Variants in ZNG1E observed in about 807,000 individuals in gnomAD.
The protein encoded by ZNG1E is zinc-regulated GTPase metalloprotein activator 1E.
chr9:65,657,487 A>G, the ZNG1E span, among the ~76,000 whole-genome samples: 1 of 152,280 alleles, frequency 6.6e-6, no homozygotes, highest in African/African-American at 2.4e-5. Context: ...CAAATTTCAC[A>G]TGTTCTCACT....
the ZNG1E span, among the ~76,000 whole-genome samples, chr9:65,709,824 T>A: frequency 2.7e-5 from 4 of 148,340 alleles, no homozygotes; most frequent in Non-Finnish European, 6.0e-5. Context: ...CGTGTGCATG[T>A]GTCTTTATAG....
chr9:65,677,640 A>G, the ZNG1E span, among the ~76,000 whole-genome samples: 4 of 152,322 alleles, frequency 2.6e-5, no homozygotes, highest in Non-Finnish European at 4.4e-5. Flanking sequence ...GTTAGCCTTA[A>G]TGATCTTTAT....
chr9:65,733,040 TG>T, the ZNG1E span: 1 of 1,611,608 alleles, frequency 6.2e-7, no homozygotes, highest in African/African-American at 1.3e-5. Context: ...TTGTCCAGGG[TG>T]TCCATGAGCT....
the ZNG1E span, chr9:65,704,994 T>G: frequency 6.8e-6 from 1 of 146,750 alleles, no homozygotes; most frequent in Non-Finnish European, 1.5e-5. Context: ...TTTTGTTTTA[T>G]TTTTTGTTTT....
chr9:65,658,040 A>G, the ZNG1E span, among the ~76,000 whole-genome samples: 1 of 152,090 alleles, frequency 6.6e-6, no homozygotes, highest in Non-Finnish European at 1.5e-5. Context: ...CGGAGGTTGC[A>G]GTGAGCCGAG....
chr9:65,667,025 C>T, the ZNG1E span, among the ~76,000 whole-genome samples: 12 of 152,306 alleles, frequency 7.9e-5, no homozygotes, highest in Admixed American at 3.3e-4. Context: ...TTCACCATGT[C>T]GGTCAGGCTG....
chr9:65,710,606 T>A, the ZNG1E span, among the ~76,000 whole-genome samples: 3 of 152,088 alleles, frequency 2.0e-5, no homozygotes, highest in African/African-American at 4.8e-5. Context: ...ATTTATTAAA[T>A]ACGGAATCCT....
the ZNG1E span, among the ~76,000 whole-genome samples, chr9:65,660,774 C>A: frequency 6.8e-6 from 1 of 147,690 alleles, no homozygotes; most frequent in African/African-American, 2.5e-5. Flanking sequence ...CAAAATTTAA[C>A]TATGGAAAAT....
At chr9:65,715,458 C>T in the ZNG1E span, among the ~76,000 whole-genome samples, 1 of 148,964 alleles carries the variant, frequency 6.7e-6, no homozygotes, top group Admixed American at 6.7e-5. Flanking sequence ...TAGTTTTCTG[C>T]CTTCTGCTGT....
At chr9:65,702,388 C>G in the ZNG1E span, among the ~76,000 whole-genome samples, 3 of 151,236 alleles carry the variant, frequency 2.0e-5, no homozygotes, top group East Asian at 1.9e-4. Flanking sequence ...AAGCCATATT[C>G]TATAGTATCA....
chr9:65,709,356 T>TTTA, the ZNG1E span, among the ~76,000 whole-genome samples: 4 of 151,354 alleles, frequency 2.6e-5, no homozygotes, highest in African/African-American at 9.8e-5. Context: ...AATTTATTTA[T>TTTA]TTATTATTAT....
chr9:65,710,955 A>T, the ZNG1E span, among the ~76,000 whole-genome samples: 4 of 144,888 alleles, frequency 2.8e-5, no homozygotes, highest in Non-Finnish European at 4.5e-5. Flanking sequence ...TAGTATGGCC[A>T]TTTTCACGAT....
the ZNG1E span, among the ~76,000 whole-genome samples, chr9:65,714,331 C>T: frequency 9.9e-5 from 15 of 151,542 alleles, no homozygotes; most frequent in Non-Finnish European, 1.6e-4. Flanking sequence ...GTAATTTGAT[C>T]GTCTGAAGCC....
At chr9:65,691,585 A>C in the ZNG1E span, among the ~76,000 whole-genome samples, 1 of 152,198 alleles carries the variant, frequency 6.6e-6, no homozygotes, top group Non-Finnish European at 1.5e-5. Flanking sequence ...GTTTTCTTTA[A>C]AAAAAACAAT....
the ZNG1E span, among the ~76,000 whole-genome samples, chr9:65,671,380 G>T: frequency 8.5e-5 from 13 of 152,068 alleles, no homozygotes; most frequent in African/African-American, 3.1e-4. Flanking sequence ...GAGTGCAGTG[G>T]CACAATCTTG....
chr9:65,716,426 G>A, the ZNG1E span, among the ~76,000 whole-genome samples: 32 of 151,586 alleles, frequency 2.1e-4, no homozygotes, highest in Admixed American at 7.2e-4. Flanking sequence ...CCAAAGTGCT[G>A]GGATTACATG....
the ZNG1E span, among the ~76,000 whole-genome samples, chr9:65,693,891 T>C: frequency 0.016 from 2,401 of 148,502 alleles, 12 homozygotes; most frequent in African/African-American, 0.055. Flanking sequence ...CTTTTTTTTT[T>C]CCCAAATCTT....
chr9:65,671,988 CTAAGA>C, the ZNG1E span, among the ~76,000 whole-genome samples: 34 of 139,132 alleles, frequency 2.4e-4, no homozygotes, highest in African/African-American at 9.4e-4. Flanking sequence ...TCTGTAAAGA[CTAAGA>C]TATTTATCAT....
At chr9:65,659,609 G>C in the ZNG1E span, among the ~76,000 whole-genome samples, 12 of 152,074 alleles carry the variant, frequency 7.9e-5, no homozygotes, top group Admixed American at 7.2e-4. Context: ...GCCAGTCCCT[G>C]TGGACTTAGG....
Sources: allele counts gnomAD v4.1 joint callset (sites outside exome capture counted in the v4.1 genomes callset), GRCh38; gene constraint gnomAD v4.1.1; transcripts MANE v1.5; gene names NCBI Gene and HGNC (gene_info 2026-07-23, HGNC 2026-07-21).